SEC22C: variants seen among roughly 807,000 people sequenced by gnomAD.
SEC22C encodes the protein SEC22 homolog C, vesicle trafficking protein.
Under a neutral mutation model 34.7 loss-of-function variants are expected in SEC22C, and 29 were observed. The observed-to-expected ratio is 0.84, with a 90% confidence interval of 0.62 to 1.14. The LOEUF (loss-of-function observed/expected upper bound fraction) is 1.14. Among genes scored for constraint, SEC22C ranks in the 50% most tolerant of loss-of-function variants. The pLI is 0.00. For synonymous variants in SEC22C, 117 were observed against 132.8 expected, an observed-to-expected ratio of 0.88 and a Z score of 0.82; for missense variants, 337 against 369.0, an observed-to-expected ratio of 0.91 and a Z score of 0.71.
chr3:42,550,336 G>A lies in SEC22C; in HGVS notation c.*2912C>T, dbSNP rs1702187799. 1 of 985,332 alleles carries A rather than the reference G, an allele frequency of 1.0e-6. No individual in the cohort carries two copies. Among genetic ancestry groups the A allele is most frequent in the East Asian group, 1.1e-4 (1 of 8,820 alleles). The allele number at this position is 985,332 out of a possible 1,614,324, so 61.0% of individuals were successfully genotyped here. A position where few individuals can be genotyped will look rare whatever the true frequency, so the allele number is the denominator to read the frequency against. The stretch of plus-strand genomic sequence containing the variant: ...GGAAAACAAAAGTGCTACAACAACA[G>A]TGAGTCCATGGTGGAGTGAGGATAA... On this transcript the variant is annotated 3_prime_UTR_variant, in exon 7 of 7. Coordinates refer to ENST00000264454, the MANE Select transcript of SEC22C (RefSeq NM_032970.4).
chr3:42,548,774 C>T lies in SEC22C; in HGVS notation c.*4474G>A, dbSNP rs993452354. ...TTTGGAGTGAAAAAAATGAGGTTTA[C>T]ACTGTAGTATAACAAAATGCCTTTT... is the stretch of plus-strand genomic sequence containing the variant. On this transcript the variant is annotated 3_prime_UTR_variant, in exon 7 of 7. Transcript: ENST00000264454. 11 of 1,559,020 alleles carry T rather than the reference C, an allele frequency of 7.1e-6. No individual in the cohort carries two copies. In the South Asian group the frequency reaches 1.2e-4, roughly 17 times the overall value.
intron 1 of SEC22C, among the ~76,000 whole-genome samples, chr3:42,590,058 C>T (rs989171500): frequency 1.3e-4 from 20 of 152,234 alleles, no homozygotes; most frequent in African/African-American, 4.3e-4. Flanking sequence ...GTTTCGTCAT[C>T]TGTAAAATGG....
intron 1 of SEC22C, among the ~76,000 whole-genome samples, chr3:42,576,341 A>C (rs1210918297): frequency 6.6e-6 from 1 of 152,182 alleles, no homozygotes; most frequent in Non-Finnish European, 1.5e-5. Context: ...ATGGAAGGAA[A>C]TAATAGGATA....
At chr3:42,567,486 T>A in intron 2 of SEC22C, among the ~76,000 whole-genome samples, 1 of 152,032 alleles carries the variant, frequency 6.6e-6, no homozygotes, top group East Asian at 1.9e-4. Flanking sequence ...CTTAGTTAAG[T>A]TTTTTTTACC....
At chr3:42,589,695 C>T (rs908338892) in intron 1 of SEC22C, among the ~76,000 whole-genome samples, 6 of 152,178 alleles carry the variant, frequency 3.9e-5, no homozygotes, top group African/African-American at 1.4e-4. Context: ...TTGCGCGCTC[C>T]TAATGAGAAT....
intron 5 of SEC22C, among the ~76,000 whole-genome samples, chr3:42,557,232 T>C (rs1411667025): frequency 6.6e-6 from 1 of 152,158 alleles, no homozygotes; most frequent in Non-Finnish European, 1.5e-5. Flanking sequence ...AAAAAGAACC[T>C]GAACCTTAAA....
intron 4 of SEC22C, among the ~76,000 whole-genome samples, chr3:42,559,758 T>G (rs1038739850): frequency 6.6e-6 from 1 of 152,182 alleles, no homozygotes; most frequent in African/African-American, 2.4e-5. Context: ...TCCAATTGAA[T>G]TAAATATTAG....
intron 1 of SEC22C, among the ~76,000 whole-genome samples, chr3:42,588,873 G>A (rs1046768127): frequency 6.6e-6 from 1 of 152,086 alleles, no homozygotes; most frequent in Non-Finnish European, 1.5e-5. Context: ...AGCCTGATGT[G>A]GAGTTAACAG....
chr3:42,554,975 A>AAACAAC (rs200523696), intron 6 of SEC22C, among the ~76,000 whole-genome samples: 4 of 146,026 alleles, frequency 2.7e-5, no homozygotes, highest in Admixed American at 1.4e-4. Context: ...TTACTATTTA[A>AAACAAC]AACAACAACA....
Position 42,552,003 on chromosome 3 carries a change from G to A in SEC22C, c.*1245C>T, listed in dbSNP as rs2125692403. 1 of 985,398 alleles carries A rather than the reference G, an allele frequency of 1.0e-6. No individual in the cohort carries two copies. The highest frequency in any genetic ancestry group is 1.7e-5 in the African/African-American group (1 of 57,358). The allele number at this position is 985,398 out of a possible 1,614,324, so 61.0% of individuals were successfully genotyped here. On this transcript the variant is annotated 3_prime_UTR_variant, in exon 7 of 7. Coordinates refer to ENST00000264454, the MANE Select transcript of SEC22C (RefSeq NM_032970.4). ...AGACTTCTACCAAGAACAATCCAAA[G>A]AGCAAACTCCCAAAATGACCTCCTG... is the stretch of plus-strand genomic sequence containing the variant.
chr3:42,590,921 C>A lies in SEC22C; in HGVS notation c.-28+10039G>T, dbSNP rs748891654. On this transcript the variant is annotated intron_variant, in intron 1 of 6. Transcript: ENST00000417572. ...GGATGTCGGTGGCCTTCGTACCGGA[C>A]TGGCTGAGGGGCAAGGCGGAAGTCA... 5.9e-6 allele frequency: 8 copies of A among 1,358,768 alleles called. No individual in the cohort carries two copies. Among genetic ancestry groups the A allele is most frequent in the African/African-American group, 1.6e-5 (1 of 61,792 alleles). The allele number at this position is 1,358,768 out of a possible 1,614,324, so 84.2% of individuals were successfully genotyped here. A position where few individuals can be genotyped will look rare whatever the true frequency, so the allele number is the denominator to read the frequency against.
intron 1 of SEC22C, among the ~76,000 whole-genome samples, chr3:42,597,486 G>T (rs1282418715): frequency 6.6e-6 from 1 of 151,850 alleles, no homozygotes; most frequent in Non-Finnish European, 1.5e-5. Flanking sequence ...ATCTCAGGAG[G>T]CAGAGGTTGC....
In SEC22C at chr3:42,552,130, A is replaced by G; in HGVS notation, c.*1118T>C. On this transcript the variant is annotated 3_prime_UTR_variant, in exon 7 of 7. Transcript: ENST00000264454. ...TGATCAATCAATTTTTTGACAGTGA[A>G]AGAGAGTAACTTTCCAGAGTATGTG... is the stretch of plus-strand genomic sequence containing the variant. 1.0e-6 allele frequency: 1 copy of G among 985,412 alleles called. No individual in the cohort carries two copies. Among genetic ancestry groups the G allele is most frequent in the Non-Finnish European group, 1.2e-6 (1 of 829,894 alleles). 61.0% of individuals were successfully genotyped at this position (985,412 alleles called of 1,614,324 possible). A position where few individuals can be genotyped will look rare whatever the true frequency, so the allele number is the denominator to read the frequency against.
upstream of SEC22C, among the ~76,000 whole-genome samples, chr3:42,585,155 C>CA (rs1481760968): frequency 6.6e-6 from 1 of 151,772 alleles, no homozygotes; most frequent in African/African-American, 2.4e-5. Context: ...CAAAACAAAA[C>CA]AAACAAACAA....
chr3:42,568,388 G>A (rs1419492930), intron 2 of SEC22C, among the ~76,000 whole-genome samples: 1 of 151,998 alleles, frequency 6.6e-6, no homozygotes, highest in Non-Finnish European at 1.5e-5. Context: ...GCTCACACTT[G>A]TAATCCCAGT....
rs745830523 is a variant in SEC22C, at chr3:42,548,646, G to A, written c.*4602C>T. ...AGGTTTGGTCCAACCAGCAGAACCA[G>A]CTCCTTGGATCCTGGAATAAACCAA... On this transcript the variant is annotated 3_prime_UTR_variant, in exon 7 of 7. Transcript: ENST00000264454. 2 of 1,613,908 alleles carry A rather than the reference G, an allele frequency of 1.2e-6. No individual in the cohort carries two copies. Among genetic ancestry groups the A allele is most frequent in the Non-Finnish European group, 1.7e-6 (2 of 1,180,036 alleles).
At chr3:42,557,227 G>C (rs866588490) in intron 5 of SEC22C, among the ~76,000 whole-genome samples, 6 of 152,250 alleles carry the variant, frequency 3.9e-5, no homozygotes, top group Middle Eastern at 3.4e-3. Flanking sequence ...AGGAGAAAAA[G>C]AACCTGAACC....
At chr3:42,589,354 C>T (rs963093303) in intron 1 of SEC22C, among the ~76,000 whole-genome samples, 5 of 152,196 alleles carry the variant, frequency 3.3e-5, no homozygotes, top group Admixed American at 3.3e-4. Context: ...CCCAGTAAAG[C>T]AGATGAGCTT....
chr3:42,574,118 A>G (rs994302752), intron 1 of SEC22C, among the ~76,000 whole-genome samples: 10 of 152,312 alleles, frequency 6.6e-5, no homozygotes, highest in Admixed American at 2.6e-4. Context: ...GAAAAATAAT[A>G]ACCTTACCTA....
Sources: gnomAD v4.1 joint callset for allele counts (sites outside exome capture counted in the v4.1 genomes callset) on GRCh38, gnomAD v4.1.1 for gene constraint, MANE v1.5 for transcripts, NCBI Gene and HGNC (gene_info 2026-07-23, HGNC 2026-07-21) for gene names.